Variants in MINAR1 observed in about 807,000 individuals in gnomAD.
The protein encoded by MINAR1 is membrane integral NOTCH2 associated receptor 1, also known as major intrinsically disordered Notch2-binding receptor 1.
In MINAR1, 40 loss-of-function variants were observed where a neutral mutation model predicts 65.1. The observed-to-expected ratio is 0.61, with a 90% CI of 0.48 to 0.80. MINAR1 has a LOEUF of 0.80. Ranked by LOEUF, MINAR1 falls within the 30% of genes least tolerant of loss-of-function variation. The pLI is 0.00. For missense variants in MINAR1, 1,128 were observed against 1,148.0 expected, an observed-to-expected ratio of 0.98 and a Z score of 0.25; for synonymous variants, 482 against 449.1, an observed-to-expected ratio of 1.07 and a Z score of -0.93.
chr15:79,464,113 G>T (rs1895752453), intron 3 of MINAR1, among the ~76,000 whole-genome samples: 1 of 152,204 alleles, frequency 6.6e-6, no homozygotes, highest in Non-Finnish European at 1.5e-5. Context: ...CTAAAAGAGG[G>T]CTGTGGGAGG....
At chr15:79,425,608 T>G in the MINAR1 span, 2 of 152,098 alleles carry the variant, frequency 1.3e-5, no homozygotes, top group Admixed American at 1.3e-4. Flanking sequence ...GAGGTAAAAA[T>G]TGGCAGCCAG....
intron 2 of MINAR1, among the ~76,000 whole-genome samples, chr15:79,459,570 T>TGAGGTCTCC (rs1369829286): frequency 1.2e-4 from 19 of 152,246 alleles, no homozygotes; most frequent in Admixed American, 2.6e-4. Flanking sequence ...GCCCTACTCC[T>TGAGGTCTCC]GAGGTCTCCA....
intron 3 of MINAR1, chr15:79,463,563 T>G (rs973509297): frequency 6.2e-5 from 41 of 660,822 alleles, no homozygotes; most frequent in Middle Eastern, 2.4e-4. Context: ...ATTTATGTAT[T>G]TTTTATCGGC....
chr15:79,460,998 T>C (rs1440380373), intron 2 of MINAR1, among the ~76,000 whole-genome samples: 1 of 152,240 alleles, frequency 6.6e-6, no homozygotes, highest in African/African-American at 2.4e-5. Context: ...TGTACTGATC[T>C]AAGTCCTATG....
At chr15:79,459,022 T>TAA (rs201452643) in intron 2 of MINAR1, among the ~76,000 whole-genome samples, 2 of 151,784 alleles carry the variant, frequency 1.3e-5, no homozygotes, top group Non-Finnish European at 2.9e-5. Context: ...ACTAAAAATG[T>TAA]AAAAAAAATT....
intron 1 of MINAR1, among the ~76,000 whole-genome samples, chr15:79,455,413 G>T (rs983496836): frequency 1.3e-5 from 2 of 151,984 alleles, no homozygotes; most frequent in African/African-American, 2.4e-5. Flanking sequence ...TATTATTTAT[G>T]TACAGTAAAA....
Position 79,457,715 on chromosome 15 carries a change from G to T in MINAR1, c.1568G>T (p.Arg523Leu). 6.2e-7 allele frequency: 1 copy of T among 1,614,192 alleles called. No homozygotes were observed. Among genetic ancestry groups the T allele is most frequent in the Non-Finnish European group, 8.5e-7 (1 of 1,180,034 alleles). The change falls in exon 2 of 4, where the codon CGA (arginine) becomes CTA (leucine). Residue 523 changes from arginine (R) to leucine (L), a missense_variant. Transcript: ENST00000305428. ...AGCGACGACATCAGTGACATTTTCC[G>T]ATTTCTTGATGACATGAGCATCAGT... ...IVSDDISDIF[R>L]FLDDMSISGS... is the part of the protein sequence containing the mutation.
At chr15:79,454,711 G>T (rs1266545797) in intron 1 of MINAR1, among the ~76,000 whole-genome samples, 1 of 151,398 alleles carries the variant, frequency 6.6e-6, no homozygotes, top group Non-Finnish European at 1.5e-5. Flanking sequence ...AATGCTCATT[G>T]TAAGAATTTT....
Position 79,471,065 on chromosome 15 carries a change from C to T in MINAR1, c.*2681C>T, listed in dbSNP as rs1190497701. On this transcript the variant is annotated 3_prime_UTR_variant, in exon 4 of 4. Coordinates refer to ENST00000305428, the MANE Select transcript of MINAR1 (RefSeq NM_015206.3). Reference sequence around the variant, plus strand: ...GTTTGCAGAATGAGCAAGATAGAGTCTGGCTAGGAGGGAAACATCTATCCA... The same window carrying T: ...GTTTGCAGAATGAGCAAGATAGAGTTTGGCTAGGAGGGAAACATCTATCCA... 2 of 152,116 alleles carry T rather than the reference C, an allele frequency of 1.3e-5. No individual in the cohort carries two copies. Among genetic ancestry groups the T allele is most frequent in the African/African-American group, 4.8e-5 (2 of 41,394 alleles). 9.4% of individuals were successfully genotyped at this position (152,116 alleles called of 1,614,324 possible).
At chr15:79,449,931 C>G (rs1895136539) in intron 1 of MINAR1, among the ~76,000 whole-genome samples, 1 of 152,188 alleles carries the variant, frequency 6.6e-6, no homozygotes, top group African/African-American at 2.4e-5. Flanking sequence ...CTCCCCTCCT[C>G]TTTAGTCTTT....
At chr15:79,420,301 C>A in the MINAR1 span, 1 of 152,116 alleles carries the variant, frequency 6.6e-6, no homozygotes, top group African/African-American at 2.4e-5. Flanking sequence ...CATCATTAGG[C>A]AATGTGGGTG....
rs758772018 is a variant in MINAR1, at chr15:79,468,426, T to C, written c.*42T>C. On this transcript the variant is annotated 3_prime_UTR_variant, in exon 4 of 4. Transcript: ENST00000305428. ...TACGTACAGCTTATGACTACCAATG[T>C]CGTCGTCTGTATCTTAGAATCTTGC... is the stretch of plus-strand genomic sequence containing the variant. The C allele has an allele frequency of 3.2e-6, 5 of 1,557,896 alleles. No homozygotes were observed. In the Admixed American group the frequency reaches 7.0e-5, roughly 22 times the overall value.
chr15:79,427,900 CAG>C (rs1484880850), upstream of MINAR1, among the ~76,000 whole-genome samples: 2 of 152,138 alleles, frequency 1.3e-5, no homozygotes, highest in African/African-American at 4.8e-5. Flanking sequence ...TTGGGCAGCT[CAG>C]AGGAGAATCA....
At chr15:79,414,984 T>G in the MINAR1 span, 34 of 152,200 alleles carry the variant, frequency 2.2e-4, no homozygotes, top group African/African-American at 8.2e-4. Context: ...AGTCACAAAT[T>G]TTAACAATGG....
the MINAR1 span, chr15:79,417,345 TTAA>T: frequency 6.6e-6 from 1 of 152,204 alleles, no homozygotes; most frequent in Non-Finnish European, 1.5e-5. Flanking sequence ...TTAACCAAGG[TTAA>T]TAATCCTTTC....
At chr15:79,435,046 G>C (rs1387848680) in intron 1 of MINAR1, among the ~76,000 whole-genome samples, 1 of 152,164 alleles carries the variant, frequency 6.6e-6, no homozygotes, top group African/African-American at 2.4e-5. Context: ...AGGCCGAAGC[G>C]GGTGGATCAC....
chr15:79,431,102 G>A (rs571300136), upstream of MINAR1, among the ~76,000 whole-genome samples: 28 of 150,360 alleles, frequency 1.9e-4, no homozygotes, highest in East Asian at 5.3e-3. Context: ...GGGAAAAGCC[G>A]CCACAGCCCC....
At chr15:79,420,962 C>G in the MINAR1 span, 1 of 152,268 alleles carries the variant, frequency 6.6e-6, no homozygotes, top group Non-Finnish European at 1.5e-5. Context: ...TACTCAGAAT[C>G]TACATTGGAC....
chr15:79,471,480 A>T lies in MINAR1; in HGVS notation c.*3096A>T, dbSNP rs1042252472. On this transcript the variant is annotated 3_prime_UTR_variant, in exon 4 of 4. Transcript: ENST00000305428. Reference sequence around the variant, plus strand: ...TTTATACCAGTATCCCCTTCATTACAGTAAACTAAATCATAACTTACATCA... The same window carrying T: ...TTTATACCAGTATCCCCTTCATTACTGTAAACTAAATCATAACTTACATCA... 6.6e-6 allele frequency: 1 copy of T among 152,640 alleles called. No homozygotes were observed. 9.5% of individuals were successfully genotyped at this position (152,640 alleles called of 1,614,324 possible).
Sources: gnomAD v4.1 joint callset for allele counts (sites outside exome capture counted in the v4.1 genomes callset) on GRCh38, gnomAD v4.1.1 for gene constraint, MANE v1.5 for transcripts, NCBI Gene and HGNC (gene_info 2026-07-23, HGNC 2026-07-21) for gene names.